The following SUPT3H variants were observed in gnomAD, a reference collection of about 807,000 sequenced individuals.
SUPT3H encodes the protein SPT3 homolog, SAGA and STAGA complex component, also known as transcription initiation protein SPT3 homolog.
Under a neutral mutation model 44.3 loss-of-function variants are expected in SUPT3H, and 44 were observed. The observed-to-expected ratio is 0.99, with a 90% CI of 0.78 to 1.28. The LOEUF (loss-of-function observed/expected upper bound fraction) is 1.28, where lower values mean the gene tolerates loss of function less well. Among genes scored for constraint, SUPT3H ranks in the 50% most tolerant of loss-of-function variants. SUPT3H has a pLI of 0.00. For missense variants in SUPT3H, 380 were observed against 387.1 expected (o/e 0.98, Z 0.15); for synonymous variants, 124 against 125.6 (o/e 0.99, Z 0.09).
At chr6:45,072,007 T>C (rs1794453776) in intron 3 of SUPT3H, among the ~76,000 whole-genome samples, 1 of 152,194 alleles carries the variant, frequency 6.6e-6, no homozygotes, top group Non-Finnish European at 1.5e-5. Context: ...TGGGTGAGTA[T>C]GACAATATGC....
chr6:44,881,013 C>G (rs1215486394), intron 10 of SUPT3H, among the ~76,000 whole-genome samples: 1 of 152,092 alleles, frequency 6.6e-6, no homozygotes, highest in East Asian at 1.9e-4. Flanking sequence ...GGCAAAATAA[C>G]CAGCTGGCAT....
At chr6:45,081,902 C>T (rs1216263105) in intron 3 of SUPT3H, among the ~76,000 whole-genome samples, 2 of 152,098 alleles carry the variant, frequency 1.3e-5, no homozygotes, top group African/African-American at 4.8e-5. Flanking sequence ...TGAACTTTCA[C>T]TCAGTTACAT....
At chr6:45,021,057 T>C (rs941572682) in intron 3 of SUPT3H, among the ~76,000 whole-genome samples, 5 of 151,834 alleles carry the variant, frequency 3.3e-5, no homozygotes, top group Non-Finnish European at 7.4e-5. Flanking sequence ...CATTCAGAAC[T>C]TTAAAAGATC....
chr6:45,369,263 TTC>T lies in SUPT3H; in HGVS notation c.1-3964_1-3963del, dbSNP rs148867617. Among the ~76,000 whole-genome samples the T allele has an allele frequency of 5.3e-3, 802 of 152,196 alleles. 11 individuals are homozygous for T. The highest frequency in any genetic ancestry group is 0.019 in the African/African-American group (770 of 41,532). On this transcript the variant is annotated intron_variant, in intron 1 of 10. Transcript: ENST00000371459. ...TTCTTTTGAACCTTTACCCCTACAG[TTC>T]TCTCTACTTGCAATACCTTTTGAAA...
At chr6:44,939,245 T>G (rs1771998038) in intron 9 of SUPT3H, among the ~76,000 whole-genome samples, 2 of 152,134 alleles carry the variant, frequency 1.3e-5, no homozygotes, top group Non-Finnish European at 2.9e-5. Flanking sequence ...ATATTCCTTT[T>G]AGGCCTAGTT....
intron 2 of SUPT3H, among the ~76,000 whole-genome samples, chr6:45,264,388 G>A (rs917896924): frequency 6.6e-6 from 1 of 152,060 alleles, no homozygotes; most frequent in Non-Finnish European, 1.5e-5. Context: ...GGCTGGGCAC[G>A]GTGGCTCACG....
chr6:45,145,785 G>C (rs1583821587), intron 2 of SUPT3H, among the ~76,000 whole-genome samples: 1 of 151,672 alleles, frequency 6.6e-6, no homozygotes, highest in Non-Finnish European at 1.5e-5. Flanking sequence ...GACTAATATC[G>C]AGAATCTACA....
intron 2 of SUPT3H, among the ~76,000 whole-genome samples, chr6:45,322,252 T>C (rs963078264): frequency 6.6e-6 from 1 of 151,948 alleles, no homozygotes; most frequent in African/African-American, 2.4e-5. Flanking sequence ...ACGTATATTA[T>C]GCCTATGCAT....
At chr6:45,063,430 T>G (rs1380097092) in intron 3 of SUPT3H, among the ~76,000 whole-genome samples, 1 of 149,264 alleles carries the variant, frequency 6.7e-6, no homozygotes, top group Non-Finnish European at 1.5e-5. Context: ...ACGCAGCTCC[T>G]CACCAGCAAC....
At chr6:45,116,345 C>G (rs939381931) in intron 2 of SUPT3H, among the ~76,000 whole-genome samples, 1 of 152,128 alleles carries the variant, frequency 6.6e-6, no homozygotes, top group Admixed American at 6.5e-5. Flanking sequence ...AGCACAACTG[C>G]GCACGTTTCT....
chr6:45,296,203 C>CAG (rs1341641165), intron 2 of SUPT3H, among the ~76,000 whole-genome samples: 1 of 151,764 alleles, frequency 6.6e-6, no homozygotes, highest in Non-Finnish European at 1.5e-5. Flanking sequence ...CACACACACA[C>CAG]ACACACACAC....
chr6:45,067,448 C>T (rs1215775319), intron 3 of SUPT3H, among the ~76,000 whole-genome samples: 1 of 135,382 alleles, frequency 7.4e-6, no homozygotes, highest in Non-Finnish European at 1.7e-5. Context: ...GCAACAAAAG[C>T]CAAAATTGAC....
At chr6:44,832,222 G>A (rs1342158603) in intron 10 of SUPT3H, among the ~76,000 whole-genome samples, 4 of 152,098 alleles carry the variant, frequency 2.6e-5, no homozygotes, top group Non-Finnish European at 5.9e-5. Flanking sequence ...TCATCTTCAC[G>A]TCAACTGTAA....
intron 2 of SUPT3H, among the ~76,000 whole-genome samples, chr6:45,176,318 G>A (rs1476738433): frequency 2.0e-4 from 30 of 151,766 alleles, no homozygotes; most frequent in Admixed American, 3.9e-4. Context: ...GGTGACGGAC[G>A]CACCTGGAAA....
chr6:44,920,037 C>T lies in SUPT3H; in HGVS notation c.912+12616G>A, dbSNP rs541511324. Among the ~76,000 whole-genome samples, 86 of 152,128 alleles carry T rather than the reference C, an allele frequency of 5.7e-4. 1 individual carries two copies. The highest frequency in any genetic ancestry group is 2.0e-3 in the African/African-American group (85 of 41,528). On this transcript the variant is annotated intron_variant, in intron 10 of 10. Transcript: ENST00000371459. Reference sequence around the variant, plus strand: ...GGGATTACAGGCGCATGCCACCACACCCGGCTAATTTTTTGTATTTTTAGT... The same window carrying T: ...GGGATTACAGGCGCATGCCACCACATCCGGCTAATTTTTTGTATTTTTAGT...
chr6:45,086,253 C>A (rs765994921), intron 3 of SUPT3H, among the ~76,000 whole-genome samples: 4 of 151,952 alleles, frequency 2.6e-5, no homozygotes, highest in Middle Eastern at 3.2e-3. Context: ...ATGCTTACTG[C>A]ACAAATAAAT....
chr6:45,200,982 G>A (rs1260108995), intron 2 of SUPT3H, among the ~76,000 whole-genome samples: 1 of 151,398 alleles, frequency 6.6e-6, no homozygotes, highest in Non-Finnish European at 1.5e-5. Flanking sequence ...ATACACATAA[G>A]CACCTATGTA....
At chr6:45,311,740 A>G (rs1178514597) in intron 2 of SUPT3H, among the ~76,000 whole-genome samples, 7 of 152,206 alleles carry the variant, frequency 4.6e-5, no homozygotes, top group African/African-American at 2.4e-5. Context: ...GGAAAGATAC[A>G]GTCATTTTCA....
chr6:44,899,377 G>A (rs1260188151), intron 10 of SUPT3H: 1 of 152,176 alleles, frequency 6.6e-6, no homozygotes, highest in African/African-American at 2.4e-5. Context: ...TGAAATTTAA[G>A]GAAATTTGTG....
Sources: allele counts gnomAD v4.1 joint callset (sites outside exome capture counted in the v4.1 genomes callset), GRCh38; gene constraint gnomAD v4.1.1; transcripts MANE v1.5; gene names NCBI Gene and HGNC (gene_info 2026-07-23, HGNC 2026-07-21).